FRMPD2: variants seen among roughly 807,000 people sequenced by gnomAD.
FRMPD2 encodes FERM and PDZ domain containing 2.
FRMPD2 carries 96 observed loss-of-function variants against 140.1 expected under a neutral mutation model. That is an observed-to-expected ratio of 0.69 (90% CI 0.58 to 0.81). The LOEUF is 0.81. FRMPD2 is among the 40% of genes least tolerant of loss of function. The probability of loss-of-function intolerance (pLI) is 0.00; values close to 1 mark genes in which losing one functional copy is unlikely to be tolerated. For synonymous variants in FRMPD2, 449 were observed against 547.6 expected (o/e 0.82, Z 2.52); for missense variants, 1,240 against 1,447.4 (o/e 0.86, Z 2.32).
Position 48,192,696 on chromosome 10 carries a change from C to T in FRMPD2, c.2153G>A (p.Gly718Asp). The change falls in exon 16 of 29, where the codon GGC becomes GAC. Residue 718 changes from glycine (G) to aspartate (D), a missense_variant. Gly to Asp is a moderately conservative substitution (Grantham distance 94, BLOSUM62 -1). Coordinates refer to ENST00000374201, the MANE Select transcript of FRMPD2 (RefSeq NM_001018071.4). Reference protein sequence around the residue: ...VDGSKEAGAEGIGRSPCTGRE... With the variant: ...VDGSKEAGAEDIGRSPCTGRE... ...GTGTCACACCCACCTGCGCCCGATG[C>T]CTTCTGCTCCAGCCTCCTTGCTGCC... 12 of 1,614,084 alleles carry T rather than the reference C, an allele frequency of 7.4e-6. No homozygotes were observed. The highest frequency in any genetic ancestry group is 9.3e-6 in the Non-Finnish European group (11 of 1,180,010).
chr10:48,218,360 C>A (rs1230006550), intron 12 of FRMPD2, among the ~76,000 whole-genome samples: 1 of 152,188 alleles, frequency 6.6e-6, no homozygotes, highest in Non-Finnish European at 1.5e-5. Flanking sequence ...AACATGGCTC[C>A]TTTATTCACC....
intron 4 of FRMPD2, among the ~76,000 whole-genome samples, chr10:48,243,009 C>T (rs1840162365): frequency 6.6e-6 from 1 of 152,222 alleles, no homozygotes; most frequent in Non-Finnish European, 1.5e-5. Context: ...AAGCTCAACA[C>T]ACACTGCAGG....
Position 48,274,587 on chromosome 10 carries a change from G to C in FRMPD2, c.-20C>G. ...CTGCATCCAAAAGTCTCCGTGACCA[G>C]GTCTAGGCCTTCATCATGGGACAAC... On this transcript the variant is annotated 5_prime_UTR_variant, in exon 1 of 29. Transcript: ENST00000374201. 1.2e-6 allele frequency: 2 copies of C among 1,613,522 alleles called. No homozygotes were observed. Among genetic ancestry groups the C allele is most frequent in the African/African-American group, 2.7e-5 (2 of 75,030 alleles).
chr10:48,235,676 G>A (rs576205949), intron 9 of FRMPD2, among the ~76,000 whole-genome samples: 6 of 152,342 alleles, frequency 3.9e-5, no homozygotes, highest in East Asian at 1.9e-4. Flanking sequence ...CAATGTGTGC[G>A]CTTCCAGCCC....
At position 48,201,340 on chromosome 10, in the gene FRMPD2, G is replaced by A. The variant is rs373927514; in HGVS notation, c.1842C>T (p.His614=). 1.8e-5 allele frequency: 29 copies of A among 1,613,768 alleles called. No individual in the cohort carries two copies. The highest frequency in any genetic ancestry group is 2.3e-5 in the Non-Finnish European group (27 of 1,179,826). The part of the protein sequence containing the change: ...TITSSVTGKK[H]TFVTDSAKTS... ...TCTTGGCTGAATCTGTGACAAATGTGTGCTTCTTCCCAGTGACACTGCTTG... is the reference window on the plus strand; with the variant it reads ...TCTTGGCTGAATCTGTGACAAATGTATGCTTCTTCCCAGTGACACTGCTTG... Residue 614 remains histidine (H), a synonymous_variant, in exon 15 of 29, where the codon CAC becomes CAT. Transcript: ENST00000374201.
intron 12 of FRMPD2, among the ~76,000 whole-genome samples, chr10:48,220,448 CA>C (rs878936756): frequency 6.6e-6 from 1 of 152,068 alleles, no homozygotes; most frequent in Non-Finnish European, 1.5e-5. Context: ...CAAGATGGAT[CA>C]AAGACTTAAA....
At chr10:48,250,446 G>A (rs990477740) in intron 2 of FRMPD2, among the ~76,000 whole-genome samples, 5 of 152,140 alleles carry the variant, frequency 3.3e-5, no homozygotes, top group Non-Finnish European at 7.3e-5. Context: ...TGTCACCCAG[G>A]CTGGAGTGCA....
chr10:48,261,794 A>G (rs746159984), intron 1 of FRMPD2, among the ~76,000 whole-genome samples: 17 of 152,164 alleles, frequency 1.1e-4, no homozygotes, highest in Non-Finnish European at 2.2e-4. Flanking sequence ...TATGCCTTAT[A>G]AATAAGTAAA....
intron 12 of FRMPD2, among the ~76,000 whole-genome samples, chr10:48,216,321 T>TAGATAGATAGAC (rs1554796000): frequency 2.6e-5 from 4 of 152,092 alleles, no homozygotes; most frequent in African/African-American, 7.2e-5. Context: ...GATAGATAGA[T>TAGATAGATAGAC]AGATAGATGA....
At chr10:48,243,876 C>T (rs896021579) in intron 4 of FRMPD2, among the ~76,000 whole-genome samples, 14 of 152,190 alleles carry the variant, frequency 9.2e-5, no homozygotes, top group African/African-American at 3.4e-4. Context: ...AGCAGGTGTT[C>T]TTGTGGCACC....
intron 12 of FRMPD2, among the ~76,000 whole-genome samples, chr10:48,217,657 A>AGAAC (rs1384999262): frequency 6.6e-6 from 1 of 152,226 alleles, no homozygotes; most frequent in Non-Finnish European, 1.5e-5. Context: ...TTCTATATAC[A>AGAAC]TGTGTAGGTG....
At chr10:48,271,593 G>C (rs1158149863) in intron 1 of FRMPD2, among the ~76,000 whole-genome samples, 3 of 151,970 alleles carry the variant, frequency 2.0e-5, no homozygotes, top group Non-Finnish European at 2.9e-5. Context: ...GGCTATGATA[G>C]CTCAAGCAAA....
At chr10:48,238,949 T>C (rs1046512183) in intron 7 of FRMPD2, among the ~76,000 whole-genome samples, 11 of 152,230 alleles carry the variant, frequency 7.2e-5, no homozygotes, top group African/African-American at 2.4e-4. Context: ...AGACCAGTTC[T>C]GAAGGCTTTA....
chr10:48,215,187 T>C (rs17011060), intron 12 of FRMPD2, among the ~76,000 whole-genome samples: 5,230 of 152,270 alleles, frequency 0.034, 113 homozygotes, highest in Non-Finnish European at 0.042. Flanking sequence ...CCAGAACCAT[T>C]TATCAAACAA....
At chr10:48,244,323 A>G (rs901560145) in intron 4 of FRMPD2, among the ~76,000 whole-genome samples, 5 of 152,238 alleles carry the variant, frequency 3.3e-5, no homozygotes, top group Non-Finnish European at 7.3e-5. Context: ...GCCTTCTTGT[A>G]GTTTTTAAAA....
At chr10:48,193,840 G>C (rs907944267) in intron 15 of FRMPD2, among the ~76,000 whole-genome samples, 2 of 152,052 alleles carry the variant, frequency 1.3e-5, no homozygotes, top group African/African-American at 4.8e-5. Flanking sequence ...TCTTCAAACA[G>C]ACCCCCCTCT....
chr10:48,263,198 C>T lies in FRMPD2; in HGVS notation c.25+11345G>A, dbSNP rs75130528. 5.3e-3 allele frequency among the ~76,000 whole-genome samples: 802 copies of T among 152,108 alleles called. 27 individuals are homozygous for T. In the East Asian group the frequency reaches 0.11, roughly 21 times the overall value. ...ATACAGAGACTTCTAACATTAAATG[C>T]ATATATTAGAATAGAAGAAAGATCT... On this transcript the variant is annotated intron_variant, in intron 1 of 28. Coordinates refer to ENST00000374201, the MANE Select transcript of FRMPD2 (RefSeq NM_001018071.4).
intron 15 of FRMPD2, among the ~76,000 whole-genome samples, chr10:48,200,373 C>A (rs1234178772): frequency 6.6e-6 from 1 of 152,050 alleles, no homozygotes; most frequent in Non-Finnish European, 1.5e-5. Flanking sequence ...CAGAACTGCA[C>A]CGCATCAACC....
chr10:48,236,560 G>GA lies in FRMPD2; in HGVS notation c.922-8dup, dbSNP rs747814913. On this transcript the variant is annotated splice_polypyrimidine_tract_variant and splice_region_variant and intron_variant, in intron 8 of 28. Transcript: ENST00000374201. ...TGAACTCTGGCCTGGAAAACTGGAG[G>GA]AAAACAGTCACATATGGTAGAGAAG... The GA allele has an allele frequency of 1.2e-6, 2 of 1,613,868 alleles. No individual in the cohort carries two copies. The highest frequency in any genetic ancestry group is 2.7e-5 in the African/African-American group (2 of 75,048).
Sources: gnomAD v4.1 joint callset for allele counts (sites outside exome capture counted in the v4.1 genomes callset) on GRCh38, gnomAD v4.1.1 for gene constraint, MANE v1.5 for transcripts, NCBI Gene and HGNC (gene_info 2026-07-23, HGNC 2026-07-21) for gene names.